The following PIK3CG variants were observed in gnomAD, a reference collection of about 807,000 sequenced individuals.
The protein encoded by PIK3CG is phosphatidylinositol 4,5-bisphosphate 3-kinase catalytic subunit gamma isoform.
A neutral mutation model predicts 102.3 loss-of-function variants in PIK3CG; 55 were observed. The observed-to-expected ratio is 0.54, with a 90% confidence interval of 0.43 to 0.67. PIK3CG has a LOEUF of 0.67. PIK3CG is among the 30% of genes least tolerant of loss of function. The probability of loss-of-function intolerance (pLI) is 0.00; values close to 1 mark genes in which losing one functional copy is unlikely to be tolerated. For synonymous variants in PIK3CG, 552 were observed against 540.0 expected (o/e 1.02, Z -0.31); for missense variants, 1,258 against 1,391.8 (o/e 0.90, Z 1.53).
In PIK3CG at chr7:106,903,383, TA is replaced by T. The variant is rs1308588501; in HGVS notation, c.3031-1725del. The stretch of plus-strand genomic sequence containing the variant: ...TTTATAGATTAATCTAAGAATAATT[TA>T]TATCATTATAAGCAGTCTTGTCACT... On this transcript the variant is annotated intron_variant, in intron 10 of 10. Transcript: ENST00000496166. This position sits in a 1 kb window ranked among gnomAD's most constrained non-coding sequence, Gnocchi z 4.3. Among the ~76,000 whole-genome samples, 2 of 152,084 alleles carry T rather than the reference TA, an allele frequency of 1.3e-5. No homozygotes were observed. The highest frequency in any genetic ancestry group is 2.9e-5 in the Non-Finnish European group (2 of 67,992).
At chr7:106,887,931 TCC>T (rs1791150475) in intron 10 of PIK3CG, among the ~76,000 whole-genome samples, 1 of 110,160 alleles carries the variant, frequency 9.1e-6, no homozygotes, top group Non-Finnish European at 1.8e-5. Flanking sequence ...TTGACGACTC[TCC>T]TTTTTTTTTT....
rs1424490915 is a variant in PIK3CG at position 106,867,165 on chromosome 7, C to T, written c.-12-385C>T. 6.6e-6 allele frequency among the ~76,000 whole-genome samples: 1 copy of T among 152,108 alleles called. No individual in the cohort carries two copies. The highest frequency in any genetic ancestry group is 1.5e-5 in the Non-Finnish European group (1 of 68,016). ...TGCGCTGTGCTGGATGAGTGTTTTA[C>T]CTACCTCTTTAAAATTTTCAAAGTA... On this transcript the variant is annotated intron_variant, in intron 1 of 10. Transcript: ENST00000496166. This position sits in a 1 kb window ranked among gnomAD's most constrained non-coding sequence, Gnocchi z 5.1.
In PIK3CG at chr7:106,905,456, T is replaced by G; in HGVS notation, c.*69T>G. 1 of 1,437,216 alleles carries G rather than the reference T, an allele frequency of 7.0e-7. No homozygotes were observed. Among genetic ancestry groups the G allele is most frequent in the African/African-American group, 1.4e-5 (1 of 70,722 alleles). 89.0% of individuals were successfully genotyped at this position (1,437,216 alleles called of 1,614,324 possible). A position where few individuals can be genotyped will look rare whatever the true frequency, so the allele number is the denominator to read the frequency against. ...AAATTAGCATAGCAATCATCGAACT[T>G]GGATTTCAAATGCAATAGACATTGT... is the stretch of plus-strand genomic sequence containing the variant. On this transcript the variant is annotated 3_prime_UTR_variant, in exon 11 of 11. Coordinates refer to ENST00000496166, the MANE Select transcript of PIK3CG (RefSeq NM_001282426.2). This position sits in a 1 kb window ranked among gnomAD's most constrained non-coding sequence, Gnocchi z 5.6.
At chr7:106,881,566 G>C (rs1445055793) in intron 6 of PIK3CG, among the ~76,000 whole-genome samples, 1 of 152,164 alleles carries the variant, frequency 6.6e-6, no homozygotes, top group Non-Finnish European at 1.5e-5. Context: ...AAATGTATTG[G>C]CCAAGCATGG....
chr7:106,872,597 TTAAGAG>T lies in PIK3CG; in HGVS notation c.2061_2061+5del. 2 of 1,613,608 alleles carry T rather than the reference TTAAGAG, an allele frequency of 1.2e-6. No homozygotes were observed. Among genetic ancestry groups the T allele is most frequent in the Non-Finnish European group, 1.7e-6 (2 of 1,179,482 alleles). ...TGCCAGATTTCTGCTGAAGCGTGGT[TTAAGAG>T]TAAGTACTTCCATTTTGATAATAGC... On this transcript the variant is annotated splice_donor_variant and coding_sequence_variant, in exon 3 of 11. Coordinates refer to ENST00000496166, the MANE Select transcript of PIK3CG (RefSeq NM_001282426.2). LOFTEE classifies it high-confidence loss of function. This position sits in a 1 kb window ranked among gnomAD's most constrained non-coding sequence, Gnocchi z 5.3.
Position 106,908,553 on chromosome 7 carries a change from CTT to C in PIK3CG, c.*3168_*3169del, listed in dbSNP as rs1183417417. 1.3e-5 allele frequency among the ~76,000 whole-genome samples: 2 copies of C among 152,128 alleles called. No homozygotes were observed. The highest frequency in any genetic ancestry group is 2.9e-5 in the Non-Finnish European group (2 of 68,020). On this transcript the variant is annotated 3_prime_UTR_variant, in exon 11 of 11. Transcript: ENST00000496166. The surrounding 1 kb of genome is among the most constrained non-coding windows in gnomAD (Gnocchi z 4.1). ...ACTGCATTTAGCTGCTTCAGTGACA[CTT>C]TGATGAAAGTATGGAGAAGTGGAGA...
At position 106,874,206 on chromosome 7, in the gene PIK3CG, A is replaced by G. The variant is rs1345364071; in HGVS notation, c.2288-494A>G. On this transcript the variant is annotated intron_variant, in intron 4 of 10. Transcript: ENST00000496166. This position sits in a 1 kb window ranked among gnomAD's most constrained non-coding sequence, Gnocchi z 4.3. ...TTTAATTCACATATTTTGCCTTTAG[A>G]ATTTTAAGGCTGTCACATCCATCTT... Among the ~76,000 whole-genome samples, 1 of 152,190 alleles carries G rather than the reference A, an allele frequency of 6.6e-6. No individual in the cohort carries two copies. Among genetic ancestry groups the G allele is most frequent in the Non-Finnish European group, 1.5e-5 (1 of 68,032 alleles).
rs1790244876 is a variant in PIK3CG at position 106,865,424 on chromosome 7, C to G, written c.-15C>G. On this transcript the variant is annotated splice_region_variant and 5_prime_UTR_variant, in exon 1 of 11. The change creates a new upstream start codon in the 5' untranslated region. Transcript: ENST00000496166. ...AGCATCATCGCCTCCGCTGCTTTAT[C>G]AGGTATTGCTTCCTTCTATTTTTTG... The G allele has an allele frequency of 6.6e-6, 1 of 152,196 alleles. No homozygotes were observed. The highest frequency in any genetic ancestry group is 2.4e-5 in the African/African-American group (1 of 41,452). 9.4% of individuals were successfully genotyped at this position (152,196 alleles called of 1,614,324 possible). A position where few individuals can be genotyped will look rare whatever the true frequency, so the allele number is the denominator to read the frequency against.
Position 106,895,903 on chromosome 7 carries a change from A to G in PIK3CG, c.3031-9206A>G, listed in dbSNP as rs1329034008. Among the ~76,000 whole-genome samples the G allele has an allele frequency of 6.6e-6, 1 of 152,166 alleles. No homozygotes were observed. Among genetic ancestry groups the G allele is most frequent in the Non-Finnish European group, 1.5e-5 (1 of 68,020 alleles). On this transcript the variant is annotated intron_variant, in intron 10 of 10. Transcript: ENST00000496166. The surrounding 1 kb of genome is among the most constrained non-coding windows in gnomAD (Gnocchi z 5.4). Reference sequence around the variant, plus strand: ...TTAGAATTCATTCAGCTTGATGTGAATCTGTGTTGTTAACCACCACAGCAC... The same window carrying G: ...TTAGAATTCATTCAGCTTGATGTGAGTCTGTGTTGTTAACCACCACAGCAC...
chr7:106,868,846 C>G lies in PIK3CG; in HGVS notation c.1285C>G (p.Leu429Val), dbSNP rs754673452. The stretch of plus-strand genomic sequence containing the variant: ...CAAAGACTTGCCCAAAGGGGCTCTA[C>G]TGAACCTCCAGATCTACTGCGGTAA... The part of the protein sequence containing the change: ...KIKDLPKGAL[L>V]NLQIYCGKAP... Residue 429 changes from leucine to valine, a missense_variant, in exon 2 of 11, where the codon CTG (leucine) becomes GTG (valine). Physicochemically the swap from Leu to Val is conservative, Grantham distance 32. Coordinates refer to ENST00000496166, the MANE Select transcript of PIK3CG (RefSeq NM_001282426.2). This position sits in a 1 kb window ranked among gnomAD's most constrained non-coding sequence, Gnocchi z 6.2. 1.7e-5 allele frequency: 28 copies of G among 1,614,202 alleles called. No individual in the cohort carries two copies. The South Asian group carries it at 2.9e-4, about 16-fold the overall frequency.
At position 106,895,043 on chromosome 7, in the gene PIK3CG, T is replaced by A. The variant is rs1010660702; in HGVS notation, c.3030+8751T>A. ...AATCAACAATGAAATTGAGAGCAGA[T>A]GTACTACGTAGGCTCAATCTATTTA... On this transcript the variant is annotated intron_variant, in intron 10 of 10. Coordinates refer to ENST00000496166, the MANE Select transcript of PIK3CG (RefSeq NM_001282426.2). This position sits in a 1 kb window ranked among gnomAD's most constrained non-coding sequence, Gnocchi z 5.4. Among the ~76,000 whole-genome samples the A allele has an allele frequency of 2.9e-4, 44 of 152,226 alleles. No homozygotes were observed. Among genetic ancestry groups the A allele is most frequent in the Non-Finnish European group, 5.6e-4 (38 of 68,032 alleles).
Position 106,883,306 on chromosome 7 carries a change from G to A in PIK3CG, c.2760+143G>A. On this transcript the variant is annotated intron_variant, in intron 8 of 10. Transcript: ENST00000496166. This position sits in a 1 kb window ranked among gnomAD's most constrained non-coding sequence, Gnocchi z 5.8. ...AGTTTTTTACTTGTGAAATAATGGA[G>A]GTTTTAAGTACCCTCCCGTGGTGAC... 3.6e-6 allele frequency: 3 copies of A among 825,184 alleles called. No homozygotes were observed. The highest frequency in any genetic ancestry group is 1.7e-5 in the African/African-American group (1 of 58,226). 51.1% of individuals were successfully genotyped at this position (825,184 alleles called of 1,614,324 possible).
Position 106,890,223 on chromosome 7 carries a change from C to T in PIK3CG, c.3030+3931C>T, listed in dbSNP as rs1421188272. ...TTGAGACGGAGTCTCTCTCTGTTGCCCAGGCTGGAATGCAGTGGTGTGATC... is the reference window on the plus strand; with the variant it reads ...TTGAGACGGAGTCTCTCTCTGTTGCTCAGGCTGGAATGCAGTGGTGTGATC... On this transcript the variant is annotated intron_variant, in intron 10 of 10. Transcript: ENST00000496166. The surrounding 1 kb of genome is among the most constrained non-coding windows in gnomAD (Gnocchi z 4.2). 6.6e-6 allele frequency among the ~76,000 whole-genome samples: 1 copy of T among 152,144 alleles called. No individual in the cohort carries two copies. The highest frequency in any genetic ancestry group is 1.5e-5 in the Non-Finnish European group (1 of 68,030).
intron 10 of PIK3CG, among the ~76,000 whole-genome samples, chr7:106,900,141 T>C (rs1025927363): frequency 3.9e-5 from 6 of 152,174 alleles, no homozygotes; most frequent in Admixed American, 1.3e-4. Flanking sequence ...TTTGTGTGCA[T>C]ATTTGTAGTA....
rs143464096 is a variant in PIK3CG, at chr7:106,884,723, G to A, written c.2872+457G>A. 1.6e-4 allele frequency among the ~76,000 whole-genome samples: 25 copies of A among 152,114 alleles called. No individual in the cohort carries two copies. Among genetic ancestry groups the A allele is most frequent in the East Asian group, 5.8e-4 (3 of 5,170 alleles). On this transcript the variant is annotated intron_variant, in intron 9 of 10. Coordinates refer to ENST00000496166, the MANE Select transcript of PIK3CG (RefSeq NM_001282426.2). The surrounding 1 kb of genome is among the most constrained non-coding windows in gnomAD (Gnocchi z 4.2). ...TGCACACTTTTTTTTCAACTCACTT[G>A]CCACTATAAAGCCTGCCACCAGATG...
In PIK3CG at chr7:106,879,567, G is replaced by C. The variant is rs775329237; in HGVS notation, c.2440G>C (p.Glu814Gln). The change falls in exon 6 of 11, where the codon GAG (glutamate) becomes CAG (glutamine). Residue 814 changes from glutamate to glutamine, a missense_variant. Transcript: ENST00000496166. This position sits in a 1 kb window ranked among gnomAD's most constrained non-coding sequence, Gnocchi z 4.9. ...MASKKKPLWL[E>Q]FKCADPTALS... ...CTCCAAGAAAAAACCACTATGGCTT[G>C]AGTTTAAATGTGCCGATCCTACAGC... 1 of 1,613,486 alleles carries C rather than the reference G, an allele frequency of 6.2e-7. No individual in the cohort carries two copies. Among genetic ancestry groups the C allele is most frequent in the Non-Finnish European group, 8.5e-7 (1 of 1,179,556 alleles).
chr7:106,886,011 C>A, intron 9 of PIK3CG, 124 bp from the exon 10 acceptor site: 1 of 835,190 alleles, frequency 1.2e-6, no homozygotes, highest in Non-Finnish European at 1.8e-6. Flanking sequence ...ATATCACAAA[C>A]TGACAAACAT....
At chr7:106,900,456 C>T (rs150566344) in intron 10 of PIK3CG, among the ~76,000 whole-genome samples, 78 of 152,250 alleles carry the variant, frequency 5.1e-4, no homozygotes, top group Middle Eastern at 6.8e-3. Flanking sequence ...AGTGTCATTA[C>T]GCATGAGATG....
At chr7:106,870,245 G>A (rs565287940) in intron 2 of PIK3CG, among the ~76,000 whole-genome samples, 32 of 152,286 alleles carry the variant, frequency 2.1e-4, no homozygotes, top group Non-Finnish European at 4.3e-4. Flanking sequence ...CTGCAGATAG[G>A]TACAGGACTG....
Sources: gnomAD v4.1 joint callset for allele counts (sites outside exome capture counted in the v4.1 genomes callset) on GRCh38, gnomAD v4.1.1 for gene constraint, Gnocchi (gnomAD v3.1) non-coding constraint, MANE v1.5 for transcripts, NCBI Gene and HGNC (gene_info 2026-07-23, HGNC 2026-07-21) for gene names.